The following SOX5 variants were observed in gnomAD, a reference collection of about 807,000 sequenced individuals.
SOX5 encodes transcription factor SOX-5.
SOX5 carries 9 observed loss-of-function variants against 92.0 expected under a neutral mutation model. The ratio of observed to expected loss-of-function variants is 0.10; its 90% CI spans 0.06 to 0.17. SOX5 has a LOEUF of 0.17. Among genes scored for constraint, SOX5 ranks in the 10% least tolerant of loss-of-function variants. The pLI, the probability that SOX5 is intolerant of heterozygous loss-of-function variation, is 1.00. For synonymous variants in SOX5, 344 were observed against 336.3 expected, an observed-to-expected ratio of 1.02 and a Z score of -0.25; for missense variants, 642 against 944.5, an observed-to-expected ratio of 0.68 and a Z score of 4.20.
intron 2 of SOX5, among the ~76,000 whole-genome samples, chr12:23,851,895 T>C (rs976444978): frequency 3.3e-5 from 5 of 152,154 alleles, no homozygotes; most frequent in Non-Finnish European, 5.9e-5. Context: ...GCCTGGAATC[T>C]ATCTTGGGAT....
intron 2 of SOX5, among the ~76,000 whole-genome samples, chr12:24,338,371 TG>T (rs1179272022): frequency 1.3e-5 from 2 of 152,180 alleles, no homozygotes; most frequent in African/African-American, 4.8e-5. Flanking sequence ...TAGATAAGCA[TG>T]TGCTCTGTTC....
At chr12:23,789,603 C>T (rs1195660236) in intron 3 of SOX5, among the ~76,000 whole-genome samples, 1 of 152,006 alleles carries the variant, frequency 6.6e-6, no homozygotes, top group Non-Finnish European at 1.5e-5. Context: ...ATTAATATAG[C>T]CAATGCTACC....
At chr12:24,507,835 C>T (rs905105222) in intron 1 of SOX5, among the ~76,000 whole-genome samples, 6 of 140,510 alleles carry the variant, frequency 4.3e-5, no homozygotes, top group African/African-American at 1.5e-4. Context: ...CAAAATCTAA[C>T]ATTGAATATA....
intron 2 of SOX5, among the ~76,000 whole-genome samples, chr12:24,332,111 C>T (rs947951224): frequency 3.3e-5 from 5 of 151,670 alleles, no homozygotes; most frequent in Non-Finnish European, 2.9e-5. Flanking sequence ...CTTCTTAGAA[C>T]ACAAGAAAAA....
chr12:23,868,874 G>T lies in SOX5; in HGVS notation c.271-22681C>A, dbSNP rs535132975. Among the ~76,000 whole-genome samples the T allele has an allele frequency of 3.3e-5, 5 of 152,056 alleles. No homozygotes were observed. In the South Asian group the frequency reaches 1.0e-3, roughly 31 times the overall value. ...AGATAGGATTTTTATTAAGCAATTC[G>T]CATACTCCAAACCTCTTATGACTCC... On this transcript the variant is annotated intron_variant, in intron 2 of 14. Transcript: ENST00000451604.
chr12:24,412,408 C>T (rs572183881), intron 1 of SOX5, among the ~76,000 whole-genome samples: 2 of 152,002 alleles, frequency 1.3e-5, no homozygotes, highest in African/African-American at 4.8e-5. Flanking sequence ...TTCTAATGTA[C>T]CTGTGTGGTG....
At chr12:24,283,613 C>A (rs1321104941) in intron 2 of SOX5, among the ~76,000 whole-genome samples, 2 of 152,174 alleles carry the variant, frequency 1.3e-5, no homozygotes, top group African/African-American at 4.8e-5. Context: ...AGAACCTACT[C>A]TTTAATACAA....
At chr12:24,066,007 T>C (rs143424358) in intron 4 of SOX5, among the ~76,000 whole-genome samples, 1 of 152,306 alleles carries the variant, frequency 6.6e-6, no homozygotes, top group Admixed American at 6.5e-5. Flanking sequence ...TTTTATTCTT[T>C]CATTTGGGAA....
intron 4 of SOX5, among the ~76,000 whole-genome samples, chr12:24,194,562 T>G (rs1023706467): frequency 2.0e-5 from 3 of 152,176 alleles, no homozygotes; most frequent in Admixed American, 1.3e-4. Context: ...TTTATAAATA[T>G]ATGTATATTT....
intron 1 of SOX5, among the ~76,000 whole-genome samples, chr12:24,375,562 C>T (rs547730425): frequency 4.0e-5 from 6 of 151,536 alleles, no homozygotes; most frequent in Admixed American, 6.6e-5. Flanking sequence ...TGGTAAAACC[C>T]CATCTCTACT....
At chr12:23,879,456 T>C (rs1269548144) in intron 2 of SOX5, among the ~76,000 whole-genome samples, 3 of 152,196 alleles carry the variant, frequency 2.0e-5, no homozygotes, top group African/African-American at 7.2e-5. Flanking sequence ...AAGGTGTTTT[T>C]AATTTTCTTT....
intron 6 of SOX5, among the ~76,000 whole-genome samples, chr12:23,733,532 ACT>A (rs1421072792): frequency 6.6e-6 from 1 of 152,138 alleles, no homozygotes; most frequent in African/African-American, 2.4e-5. Context: ...CTGAACTTCC[ACT>A]GTCTCACTGA....
intron 4 of SOX5, among the ~76,000 whole-genome samples, chr12:23,743,667 C>A (rs2141038015): frequency 6.6e-6 from 1 of 152,304 alleles, no homozygotes; most frequent in South Asian, 2.1e-4. Context: ...TTCACCTCAA[C>A]ATGCGGAAGT....
intron 3 of SOX5, among the ~76,000 whole-genome samples, chr12:23,799,720 T>G (rs1262801888): frequency 6.6e-6 from 1 of 151,998 alleles, no homozygotes; most frequent in Non-Finnish European, 1.5e-5. Flanking sequence ...AGAAAATATT[T>G]TCAGTATTAT....
chr12:24,053,106 T>C (rs1957720786), intron 4 of SOX5, among the ~76,000 whole-genome samples: 1 of 152,198 alleles, frequency 6.6e-6, no homozygotes, highest in Admixed American at 6.5e-5. Context: ...CTTCTTTTTT[T>C]CTTTACTTTG....
intron 4 of SOX5, among the ~76,000 whole-genome samples, chr12:23,988,223 T>C (rs1049506983): frequency 6.6e-6 from 1 of 152,160 alleles, no homozygotes; most frequent in African/African-American, 2.4e-5. Context: ...GAGTTCTATT[T>C]TGGCCATGTA....
chr12:24,235,463 A>C (rs183988508), intron 3 of SOX5, among the ~76,000 whole-genome samples: 6 of 152,340 alleles, frequency 3.9e-5, no homozygotes, highest in African/African-American at 1.2e-4. Context: ...CTAACAAATG[A>C]AAACTCATAA....
chr12:24,488,385 C>A (rs73291626), intron 1 of SOX5, among the ~76,000 whole-genome samples: 3,624 of 152,138 alleles, frequency 0.024, 44 homozygotes, highest in South Asian at 0.036. Context: ...GGCCGGGATT[C>A]AAGATCAGCC....
At chr12:24,282,646 G>A (rs1451107694) in intron 2 of SOX5, among the ~76,000 whole-genome samples, 1 of 152,044 alleles carries the variant, frequency 6.6e-6, no homozygotes, top group Non-Finnish European at 1.5e-5. Context: ...TATTTACCGA[G>A]CACTATTCTA....
Sources: allele counts gnomAD v4.1 joint callset (sites outside exome capture counted in the v4.1 genomes callset), GRCh38; gene constraint gnomAD v4.1.1; transcripts MANE v1.5; gene names NCBI Gene and HGNC (gene_info 2026-07-23, HGNC 2026-07-21).